FMNL2: variants seen among roughly 807,000 people sequenced by gnomAD.
The protein encoded by FMNL2 is formin like 2, also known as formin-like protein 2.
In FMNL2, 51 loss-of-function variants were observed where a neutral mutation model predicts 130.2. The observed-to-expected ratio is 0.39, with a 90% confidence interval of 0.31 to 0.49. FMNL2 has a LOEUF of 0.49. FMNL2 is among the 20% of genes least tolerant of loss of function. The pLI, the probability that FMNL2 is intolerant of heterozygous loss-of-function variation, is 0.85. For missense variants in FMNL2, 977 were observed against 1,316.2 expected (o/e 0.74, Z 3.99); for synonymous variants, 465 against 467.1 (o/e 1.00, Z 0.06).
At chr2:152,366,014 T>C (rs1280307905) in intron 1 of FMNL2, among the ~76,000 whole-genome samples, 2 of 151,996 alleles carry the variant, frequency 1.3e-5, no homozygotes, top group Non-Finnish European at 2.9e-5. Flanking sequence ...CAGAAACCCA[T>C]TCACAGGCTT....
At chr2:152,434,730 T>C (rs1687662342) in intron 1 of FMNL2, among the ~76,000 whole-genome samples, 1 of 152,000 alleles carries the variant, frequency 6.6e-6, no homozygotes, top group Non-Finnish European at 1.5e-5. Context: ...TGTTTGTTAT[T>C]GGCTCTAATT....
intron 9 of FMNL2, among the ~76,000 whole-genome samples, chr2:152,591,861 T>C (rs562753509): frequency 1.6e-3 from 243 of 151,192 alleles, no homozygotes; most frequent in Non-Finnish European, 2.9e-3. Context: ...TCCCAAAACT[T>C]TGGGAGGCTG....
Position 152,542,850 on chromosome 2 carries a change from T to C in FMNL2, c.282+31T>C, listed in dbSNP as rs1694389671. On this transcript the variant is annotated intron_variant, in intron 3 of 25. Transcript: ENST00000288670. The stretch of plus-strand genomic sequence containing the variant: ...ATGGATTTGTTTCCACTCTTTGTTA[T>C]TGCTTCCTTATTAGCGAGCAGAATC... The C allele has an allele frequency of 3.1e-6, 5 of 1,606,640 alleles. No homozygotes were observed. The African/African-American group carries it at 6.7e-5, about 21-fold the overall frequency.
intron 1 of FMNL2, among the ~76,000 whole-genome samples, chr2:152,445,540 T>C (rs373092932): frequency 6.6e-6 from 1 of 152,342 alleles, no homozygotes; most frequent in Non-Finnish European, 1.5e-5. Flanking sequence ...TTAATTACTT[T>C]AGAGTTTAAT....
intron 9 of FMNL2, among the ~76,000 whole-genome samples, chr2:152,600,675 G>C (rs1698002222): frequency 6.6e-6 from 1 of 152,008 alleles, no homozygotes; most frequent in Admixed American, 6.5e-5. Flanking sequence ...TGATCCAAAT[G>C]GTTTGGGACA....
chr2:152,488,555 T>C (rs1040518784), intron 1 of FMNL2, among the ~76,000 whole-genome samples: 4 of 152,238 alleles, frequency 2.6e-5, no homozygotes, highest in Non-Finnish European at 5.9e-5. Flanking sequence ...ATTTAGTTAC[T>C]GTGTATCCAC....
Position 152,408,981 on chromosome 2 carries a change from A to G in FMNL2, c.117+73261A>G, listed in dbSNP as rs117626968. 1.7e-3 allele frequency among the ~76,000 whole-genome samples: 255 copies of G among 152,298 alleles called. 9 individuals carry two copies. In the East Asian group the frequency reaches 0.045, roughly 27 times the overall value. On this transcript the variant is annotated intron_variant, in intron 1 of 25. Coordinates refer to ENST00000288670, the MANE Select transcript of FMNL2 (RefSeq NM_052905.4). ...GATTTCTAAAGTCAATCCTTAGCAGATACTTTAAAACAACAAAGAACTAGA... is the reference window on the plus strand; with the variant it reads ...GATTTCTAAAGTCAATCCTTAGCAGGTACTTTAAAACAACAAAGAACTAGA...
chr2:152,471,013 G>A (rs1390483024), intron 1 of FMNL2, among the ~76,000 whole-genome samples: 14 of 152,174 alleles, frequency 9.2e-5, no homozygotes, highest in Admixed American at 9.2e-4. Context: ...ATTTCTGTTA[G>A]TATGACCAAG....
At chr2:152,543,891 C>T (rs572592879) in intron 3 of FMNL2, among the ~76,000 whole-genome samples, 15 of 152,142 alleles carry the variant, frequency 9.9e-5, no homozygotes, top group Admixed American at 2.0e-4. Context: ...GGCTGTATGT[C>T]ATATGTGACT....
chr2:152,617,260 G>T, intron 13 of FMNL2, 68 bp downstream of exon 13: 1 of 1,385,868 alleles, frequency 7.2e-7, no homozygotes, highest in Non-Finnish European at 1.0e-6. Flanking sequence ...TCGTCCAGTG[G>T]AACGCAGAGT....
intron 1 of FMNL2, among the ~76,000 whole-genome samples, chr2:152,503,151 C>T (rs923672770): frequency 6.6e-6 from 1 of 152,110 alleles, no homozygotes; most frequent in Non-Finnish European, 1.5e-5. Flanking sequence ...TCACGATAGG[C>T]GTAGGGACCA....
intron 1 of FMNL2, among the ~76,000 whole-genome samples, chr2:152,515,195 G>T (rs1486623627): frequency 6.6e-6 from 1 of 152,042 alleles, no homozygotes; most frequent in Non-Finnish European, 1.5e-5. Flanking sequence ...ACTTTCCGTA[G>T]CAAAAAGTAA....
rs1184019214 is a variant in FMNL2 at position 152,619,730 on chromosome 2, G to T, written c.1837+12G>T. 2.5e-6 allele frequency: 4 copies of T among 1,605,634 alleles called. No homozygotes were observed. Among genetic ancestry groups the T allele is most frequent in the Non-Finnish European group, 3.4e-6 (4 of 1,176,332 alleles). On this transcript the variant is annotated intron_variant, in intron 15 of 25. Coordinates refer to ENST00000288670, the MANE Select transcript of FMNL2 (RefSeq NM_052905.4). ...CTCAGGATTAGCAGGTAAGAGCACA[G>T]AATTCAAACCCAGGTACTCATATCA... is the stretch of plus-strand genomic sequence containing the variant.
intron 10 of FMNL2, among the ~76,000 whole-genome samples, chr2:152,610,601 A>T (rs6731699): frequency 0.69 from 105,520 of 152,150 alleles, 37,118 homozygotes; most frequent in African/African-American, 0.78. Context: ...TGTTTTCAAG[A>T]TCACGTTGTA....
At chr2:152,603,005 A>G (rs939043007) in intron 9 of FMNL2, among the ~76,000 whole-genome samples, 14 of 152,096 alleles carry the variant, frequency 9.2e-5, no homozygotes, top group Admixed American at 4.6e-4. Flanking sequence ...ACTTTTACCA[A>G]CCTTCCCCAA....
At chr2:152,609,640 A>AT (rs1426336601) in intron 10 of FMNL2, among the ~76,000 whole-genome samples, 2 of 152,002 alleles carry the variant, frequency 1.3e-5, no homozygotes, top group African/African-American at 4.8e-5. Context: ...GATGATTTTT[A>AT]TTTTTTTATT....
chr2:152,482,742 AAC>A (rs1401864124), intron 1 of FMNL2, among the ~76,000 whole-genome samples: 2 of 152,194 alleles, frequency 1.3e-5, no homozygotes, highest in African/African-American at 4.8e-5. Context: ...AAGCCTTTGA[AAC>A]AGTTTCTGGC....
At position 152,619,781 on chromosome 2, in the gene FMNL2, T is replaced by G. The variant is rs182105344; in HGVS notation, c.1837+63T>G. Reference sequence around the variant, plus strand: ...GAAATGCTGTCTTATCTCGGAGAGTTGAAGCTATTCTTTCAAAGTCCAGGT... The same window carrying G: ...GAAATGCTGTCTTATCTCGGAGAGTGGAAGCTATTCTTTCAAAGTCCAGGT... On this transcript the variant is annotated intron_variant, in intron 15 of 25. Transcript: ENST00000288670. 343 of 1,554,960 alleles carry G rather than the reference T, an allele frequency of 2.2e-4. 1 individual carries two copies. In the African/African-American group the frequency reaches 3.9e-3, roughly 18 times the overall value.
intron 1 of FMNL2, among the ~76,000 whole-genome samples, chr2:152,506,279 T>G (rs1189878465): frequency 6.6e-6 from 1 of 152,208 alleles, no homozygotes; most frequent in Non-Finnish European, 1.5e-5. Flanking sequence ...TAGAATATGG[T>G]CTTTCCTTGG....
Sources: gnomAD v4.1 joint callset for allele counts (sites outside exome capture counted in the v4.1 genomes callset) on GRCh38, gnomAD v4.1.1 for gene constraint, MANE v1.5 for transcripts, NCBI Gene and HGNC (gene_info 2026-07-23, HGNC 2026-07-21) for gene names.